Variants in ARHGAP15 observed in about 807,000 individuals in gnomAD.
ARHGAP15 encodes Rho GTPase activating protein 15.
ARHGAP15 carries 51 observed loss-of-function variants against 63.7 expected under a neutral mutation model. That is an observed-to-expected ratio of 0.80 (90% CI 0.64 to 1.01). The LOEUF is 1.01. Ranked by LOEUF, ARHGAP15 falls within the 50% of genes least tolerant of loss-of-function variation. The probability of loss-of-function intolerance (pLI) is 0.00; values close to 1 mark genes in which losing one functional copy is unlikely to be tolerated. For missense variants in ARHGAP15, 560 were observed against 564.6 expected (o/e 0.99, Z 0.08); for synonymous variants, 191 against 193.8 (o/e 0.99, Z 0.12).
intron 10 of ARHGAP15, among the ~76,000 whole-genome samples, chr2:143,548,151 AATATT>A (rs1467146693): frequency 6.6e-6 from 1 of 152,164 alleles, no homozygotes; most frequent in Non-Finnish European, 1.5e-5. Context: ...AAATAGGACC[AATATT>A]AATGATAAAT....
At chr2:143,514,668 A>G (rs769153326) in intron 9 of ARHGAP15, among the ~76,000 whole-genome samples, 13 of 152,104 alleles carry the variant, frequency 8.5e-5, no homozygotes, top group Non-Finnish European at 1.8e-4. Flanking sequence ...CCGAGCATCT[A>G]TTTCTCATGT....
intron 6 of ARHGAP15, among the ~76,000 whole-genome samples, chr2:143,357,174 T>C (rs949552332): frequency 6.6e-6 from 1 of 152,188 alleles, no homozygotes; most frequent in African/African-American, 2.4e-5. Context: ...TTATGGGTTA[T>C]ACAATTTTAG....
At chr2:143,233,767 C>T (rs892687407) in intron 5 of ARHGAP15, among the ~76,000 whole-genome samples, 7 of 151,684 alleles carry the variant, frequency 4.6e-5, no homozygotes, top group African/African-American at 1.7e-4. Context: ...GCCTCAGCCT[C>T]CAGAGTAGCT....
intron 11 of ARHGAP15, among the ~76,000 whole-genome samples, chr2:143,618,855 G>A (rs116818669): frequency 0.019 from 2,800 of 151,186 alleles, 43 homozygotes; most frequent in Non-Finnish European, 0.025. Context: ...CCTTTGAGAC[G>A]GAGTCTCGCT....
intron 6 of ARHGAP15, among the ~76,000 whole-genome samples, chr2:143,388,232 G>A (rs1478667456): frequency 2.0e-5 from 3 of 152,148 alleles, no homozygotes; most frequent in Non-Finnish European, 4.4e-5. Flanking sequence ...TGAAATAACA[G>A]TGTTCAAAGA....
At position 143,174,584 on chromosome 2, in the gene ARHGAP15, A is replaced by C. The variant is rs149240276; in HGVS notation, c.165+18929A>C. ...TCATATAAAGCATCTGTGTGCCTAT[A>C]GGTTATTTCTTTATATGTGATTTTT... is the stretch of plus-strand genomic sequence containing the variant. On this transcript the variant is annotated intron_variant, in intron 2 of 13. Transcript: ENST00000295095. Among the ~76,000 whole-genome samples, 146 of 152,220 alleles carry C rather than the reference A, an allele frequency of 9.6e-4. 3 individuals are homozygous for C. In the East Asian group the frequency reaches 0.027, roughly 28 times the overall value.
intron 6 of ARHGAP15, among the ~76,000 whole-genome samples, chr2:143,344,791 C>T (rs188470138): frequency 1.3e-5 from 2 of 152,178 alleles, no homozygotes; most frequent in East Asian, 3.9e-4. Flanking sequence ...TCTGTGACAG[C>T]ACTTACACTT....
chr2:143,515,580 C>T (rs1693779515), intron 9 of ARHGAP15, among the ~76,000 whole-genome samples: 1 of 152,172 alleles, frequency 6.6e-6, no homozygotes, highest in Admixed American at 6.5e-5. Context: ...TTATATATCC[C>T]TTTCCTTTCT....
chr2:143,313,361 T>A (rs868666286), intron 6 of ARHGAP15, among the ~76,000 whole-genome samples: 2 of 152,206 alleles, frequency 1.3e-5, no homozygotes, highest in Non-Finnish European at 1.5e-5. Flanking sequence ...CCGCTTCTTA[T>A]AACTCAACAG....
chr2:143,389,127 TATTA>T (rs1170682487), intron 6 of ARHGAP15, among the ~76,000 whole-genome samples: 102 of 149,042 alleles, frequency 6.8e-4, no homozygotes, highest in African/African-American at 2.5e-3. Context: ...TTATTATTAT[TATTA>T]TTATTTTTTA....
chr2:143,530,554 T>C lies in ARHGAP15; in HGVS notation c.925+11190T>C, dbSNP rs542713583. 3.3e-5 allele frequency among the ~76,000 whole-genome samples: 5 copies of C among 152,254 alleles called. No individual in the cohort carries two copies. In the East Asian group the frequency reaches 9.7e-4, roughly 29 times the overall value. On this transcript the variant is annotated intron_variant, in intron 10 of 13. Coordinates refer to ENST00000295095, the MANE Select transcript of ARHGAP15 (RefSeq NM_018460.4). ...TCTGGTTCAAAATATTATGCTCTTT[T>C]TTATATAAACCTTCAGGCATTGTGC...
At chr2:143,558,950 T>G (rs568927288) in intron 11 of ARHGAP15, among the ~76,000 whole-genome samples, 1 of 152,286 alleles carries the variant, frequency 6.6e-6, no homozygotes, top group African/African-American at 2.4e-5. Context: ...CTCTCTTTCC[T>G]GGGCAAAACA....
At chr2:143,686,001 A>AT (rs1255559061) in intron 12 of ARHGAP15, among the ~76,000 whole-genome samples, 2 of 152,136 alleles carry the variant, frequency 1.3e-5, no homozygotes, top group African/African-American at 4.8e-5. Context: ...CAGTATTATT[A>AT]TTTTTTATTT....
At chr2:143,661,948 A>G (rs1490760997) in intron 12 of ARHGAP15, among the ~76,000 whole-genome samples, 2 of 152,212 alleles carry the variant, frequency 1.3e-5, no homozygotes, top group Non-Finnish European at 2.9e-5. Flanking sequence ...GATTGCTAGC[A>G]CAGCAGTCTG....
chr2:143,519,158 C>T (rs1693950418), intron 9 of ARHGAP15, 108 bp from the exon 10 acceptor site: 1 of 791,028 alleles, frequency 1.3e-6, no homozygotes, highest in African/African-American at 1.8e-5. Context: ...AAAAAAAAAT[C>T]TTATGCAAGA....
intron 6 of ARHGAP15, among the ~76,000 whole-genome samples, chr2:143,306,270 A>G (rs1245958540): frequency 1.3e-5 from 2 of 152,146 alleles, no homozygotes; most frequent in Non-Finnish European, 2.9e-5. Flanking sequence ...GAGATCAAAG[A>G]AAACAGTGGT....
chr2:143,604,905 GTTTTGT>G (rs780329928), intron 11 of ARHGAP15, among the ~76,000 whole-genome samples: 15 of 151,508 alleles, frequency 9.9e-5, no homozygotes, highest in Admixed American at 3.9e-4. Flanking sequence ...GTTTTGTTTT[GTTTTGT>G]TTTTGTTTTT....
intron 11 of ARHGAP15, among the ~76,000 whole-genome samples, chr2:143,566,600 T>C (rs771028405): frequency 6.6e-6 from 1 of 152,096 alleles, no homozygotes; most frequent in African/African-American, 2.4e-5. Context: ...ACTGTGTAGC[T>C]CTCTTCCGTC....
At chr2:143,356,402 A>AC (rs935054537) in intron 6 of ARHGAP15, among the ~76,000 whole-genome samples, 1 of 152,142 alleles carries the variant, frequency 6.6e-6, no homozygotes, top group Non-Finnish European at 1.5e-5. Context: ...ACATGAAGGC[A>AC]CCACCCCCCT....
Sources: allele counts gnomAD v4.1 joint callset (sites outside exome capture counted in the v4.1 genomes callset), GRCh38; gene constraint gnomAD v4.1.1; transcripts MANE v1.5; gene names NCBI Gene and HGNC (gene_info 2026-07-23, HGNC 2026-07-21).